Variants in WDR64 observed in about 807,000 individuals in gnomAD.
The protein encoded by WDR64 is WD repeat domain 64.
A neutral mutation model predicts 139.3 loss-of-function variants in WDR64; 112 were observed. That is an observed-to-expected ratio of 0.80 (90% CI 0.69 to 0.94). The LOEUF (loss-of-function observed/expected upper bound fraction) is 0.94, where lower values mean the gene tolerates loss of function less well. Ranked by LOEUF, WDR64 falls within the 40% of genes least tolerant of loss-of-function variation. The probability of loss-of-function intolerance (pLI) is 0.00; values close to 1 mark genes in which losing one functional copy is unlikely to be tolerated. For synonymous variants in WDR64, 444 were observed against 437.7 expected (o/e 1.01, Z -0.18); for missense variants, 1,206 against 1,293.1 (o/e 0.93, Z 1.03).
intron 3 of WDR64, among the ~76,000 whole-genome samples, chr1:241,673,200 G>A (rs1304956893): frequency 7.4e-6 from 1 of 134,606 alleles, no homozygotes; most frequent in African/African-American, 2.7e-5. Flanking sequence ...GGTGGGGGGA[G>A]GGATAGCATT....
chr1:241,712,994 T>C (rs1049730669), intron 9 of WDR64, among the ~76,000 whole-genome samples: 1 of 151,656 alleles, frequency 6.6e-6, no homozygotes, highest in Non-Finnish European at 1.5e-5. Context: ...AATTTGTTAT[T>C]AATAATACAA....
Position 241,801,832 on chromosome 1 carries a change from A to G in WDR64, c.*617A>G. ...ATAGAAATAGAAAAAGCATAGTAAC[A>G]TGGTAGATTTAACCTTAAATATATC... On this transcript the variant is annotated 3_prime_UTR_variant, in exon 28 of 28. Transcript: ENST00000437684. 1 of 398,316 alleles carries G rather than the reference A, an allele frequency of 2.5e-6. No individual in the cohort carries two copies. Among genetic ancestry groups the G allele is most frequent in the Non-Finnish European group, 4.4e-6 (1 of 225,920 alleles). The allele number at this position is 398,316 out of a possible 1,614,324, so 24.7% of individuals were successfully genotyped here. A position where few individuals can be genotyped will look rare whatever the true frequency, so the allele number is the denominator to read the frequency against.
intron 21 of WDR64, among the ~76,000 whole-genome samples, chr1:241,778,987 T>G (rs1413027524): frequency 6.6e-6 from 1 of 152,114 alleles, no homozygotes; most frequent in Non-Finnish European, 1.5e-5. Context: ...TAGATATGAG[T>G]TTTTTTAAAC....
chr1:241,686,048 T>C (rs1398727957), intron 7 of WDR64, among the ~76,000 whole-genome samples: 1 of 152,188 alleles, frequency 6.6e-6, no homozygotes, highest in Non-Finnish European at 1.5e-5. Flanking sequence ...GTTAAATGAA[T>C]GCTAATTCAT....
chr1:241,797,373 G>T (rs1294794798), intron 27 of WDR64, among the ~76,000 whole-genome samples: 1 of 152,034 alleles, frequency 6.6e-6, no homozygotes, highest in Non-Finnish European at 1.5e-5. Flanking sequence ...AGCTCTCAGG[G>T]GCCTAACTTA....
Position 241,744,461 on chromosome 1 carries a change from G to A in WDR64, c.1539G>A (p.Val513=). The change falls in exon 13 of 28, where the codon GTG becomes GTA. Residue 513 remains valine, a synonymous_variant. Transcript: ENST00000437684. ...AACCTCATGGTTTCAATACTGAAGT[G>A]ACTTCTGCAGCTGTCGATGAAAGTG... is the stretch of plus-strand genomic sequence containing the variant. ...ILEPHGFNTE[V]TSAAVDESGF... 1.9e-6 allele frequency: 3 copies of A among 1,614,164 alleles called. No homozygotes were observed. In the South Asian group the frequency reaches 3.3e-5, roughly 18 times the overall value.
chr1:241,782,919 T>C (rs1658902011), intron 22 of WDR64, among the ~76,000 whole-genome samples: 1 of 152,220 alleles, frequency 6.6e-6, no homozygotes, highest in African/African-American at 2.4e-5. Flanking sequence ...TTCTTGATTA[T>C]ATTTACTTTC....
At position 241,671,181 on chromosome 1, in the gene WDR64, C is replaced by A; in HGVS notation, c.379+5C>A. 6.5e-7 allele frequency: 1 copy of A among 1,528,232 alleles called. No homozygotes were observed. The highest frequency in any genetic ancestry group is 8.9e-7 in the Non-Finnish European group (1 of 1,128,176). The allele number at this position is 1,528,232 out of a possible 1,614,324, so 94.7% of individuals were successfully genotyped here. ...AAAGGCGAATTTTAATTTCAGGTGA[C>A]ATTTTAATTTTCTCTTCCAAATTAG... On this transcript the variant is annotated splice_donor_5th_base_variant and intron_variant, in intron 3 of 27. Transcript: ENST00000437684.
Position 241,726,701 on chromosome 1 carries a change from ATATG to A in WDR64, c.1194+3268_1194+3271del, listed in dbSNP as rs201073575. Among the ~76,000 whole-genome samples the A allele has an allele frequency of 1.3e-3, 195 of 152,268 alleles. 2 individuals are homozygous for A. The East Asian group carries it at 0.035, about 27-fold the overall frequency. ...TCTAAATAATATATAAAATACAATA[ATATG>A]TAAGTAATCAATTTTAAATCAATTT... On this transcript the variant is annotated intron_variant, in intron 10 of 27. Transcript: ENST00000437684.
chr1:241,662,147 A>ACTGACTG (rs1665856676), intron 2 of WDR64, among the ~76,000 whole-genome samples: 1 of 152,230 alleles, frequency 6.6e-6, no homozygotes, highest in Non-Finnish European at 1.5e-5. Context: ...GAGAAAGGAA[A>ACTGACTG]CTGACTGCAT....
At chr1:241,739,581 T>C (rs1159059370) in intron 11 of WDR64, among the ~76,000 whole-genome samples, 4 of 152,210 alleles carry the variant, frequency 2.6e-5, no homozygotes, top group East Asian at 1.9e-4. Context: ...ATAATGACTA[T>C]AAGCAAATTT....
intron 10 of WDR64, among the ~76,000 whole-genome samples, chr1:241,736,523 G>A (rs562025736): frequency 6.6e-6 from 1 of 151,604 alleles, no homozygotes; most frequent in East Asian, 1.9e-4. Context: ...ACCAGAATAA[G>A]AAGGTTTTTG....
intron 8 of WDR64, among the ~76,000 whole-genome samples, chr1:241,696,951 C>T (rs957805418): frequency 3.3e-5 from 5 of 152,158 alleles, no homozygotes; most frequent in African/African-American, 1.2e-4. Context: ...GTTCAAATGC[C>T]TCTGACACCT....
At chr1:241,796,219 C>T (rs1574103048) in intron 26 of WDR64, 38 bp from the exon 27 acceptor site, 1 of 1,490,094 alleles carries the variant, frequency 6.7e-7, no homozygotes. Context: ...GAAGTAATCA[C>T]TTTGAGTGTG....
chr1:241,663,947 T>C lies in WDR64; in HGVS notation c.276+3287T>C, dbSNP rs34459948. ...TTGTTGCTTTTTGTTTTTGTTTTTTTTTCTAGATATACTGATTCAATAAAG... is the reference window on the plus strand; with the variant it reads ...TTGTTGCTTTTTGTTTTTGTTTTTTCTTCTAGATATACTGATTCAATAAAG... On this transcript the variant is annotated intron_variant, in intron 2 of 27. Coordinates refer to ENST00000437684, the MANE Select transcript of WDR64 (RefSeq NM_001367482.1). Among the ~76,000 whole-genome samples, 893 of 152,368 alleles carry C rather than the reference T, an allele frequency of 5.9e-3. 5 individuals carry two copies. The highest frequency in any genetic ancestry group is 9.8e-3 in the Non-Finnish European group (670 of 68,044).
Position 241,801,246 on chromosome 1 carries a change from T to TA in WDR64, c.*35dup, listed in dbSNP as rs762179131. On this transcript the variant is annotated 3_prime_UTR_variant, in exon 28 of 28. Coordinates refer to ENST00000437684, the MANE Select transcript of WDR64 (RefSeq NM_001367482.1). ...AAAAATCAGAAATGGCTGCTGCACA[T>TA]AAAATGGCAACGTTTGGATGATACC... 6.3e-7 allele frequency: 1 copy of TA among 1,588,474 alleles called. No homozygotes were observed. Among genetic ancestry groups the TA allele is most frequent in the South Asian group, 1.1e-5 (1 of 90,434 alleles).
intron 17 of WDR64, among the ~76,000 whole-genome samples, chr1:241,770,030 G>A (rs1000009151): frequency 6.6e-6 from 1 of 152,230 alleles, no homozygotes; most frequent in Non-Finnish European, 1.5e-5. Flanking sequence ...AATAGATAAT[G>A]CCACACATAG....
intron 2 of WDR64, among the ~76,000 whole-genome samples, chr1:241,664,356 G>A (rs1458163668): frequency 6.6e-6 from 1 of 152,188 alleles, no homozygotes; most frequent in East Asian, 1.9e-4. Flanking sequence ...ATATGAAAAT[G>A]TGTGTCTAAC....
At chr1:241,678,464 G>A in intron 5 of WDR64, among the ~76,000 whole-genome samples, 1 of 152,178 alleles carries the variant, frequency 6.6e-6, no homozygotes, top group East Asian at 1.9e-4. Flanking sequence ...CTCCTTGGAA[G>A]CTTCAATTTA....
Sources: gnomAD v4.1 joint callset for allele counts (sites outside exome capture counted in the v4.1 genomes callset) on GRCh38, gnomAD v4.1.1 for gene constraint, MANE v1.5 for transcripts, NCBI Gene and HGNC (gene_info 2026-07-23, HGNC 2026-07-21) for gene names.